LHFPL6: variants seen among roughly 807,000 people sequenced by gnomAD.
LHFPL6 encodes LHFPL tetraspan subfamily member 6 protein.
LHFPL6 carries 9 observed loss-of-function variants against 20.6 expected under a neutral mutation model. The observed-to-expected ratio is 0.44, with a 90% CI of 0.26 to 0.76. The LOEUF (loss-of-function observed/expected upper bound fraction) is 0.76. Among genes scored for constraint, LHFPL6 ranks in the 30% least tolerant of loss-of-function variants. The pLI is 0.20. For synonymous variants in LHFPL6, 105 were observed against 98.7 expected (o/e 1.06, Z -0.38); for missense variants, 218 against 253.5 (o/e 0.86, Z 0.95).
At chr13:39,435,183 CT>C (rs1180850862) in intron 2 of LHFPL6, among the ~76,000 whole-genome samples, 1 of 150,952 alleles carries the variant, frequency 6.6e-6, no homozygotes, top group Non-Finnish European at 1.5e-5. Context: ...AGATACAGCA[CT>C]TGTGTAATGA....
intron 2 of LHFPL6, among the ~76,000 whole-genome samples, chr13:39,436,856 G>C (rs1273930372): frequency 6.6e-6 from 1 of 152,068 alleles, no homozygotes; most frequent in East Asian, 1.9e-4. Flanking sequence ...CCCAACAATG[G>C]GAGGTGTATG....
intron 2 of LHFPL6, among the ~76,000 whole-genome samples, chr13:39,468,470 A>G (rs995519131): frequency 1.3e-5 from 2 of 149,060 alleles, no homozygotes; most frequent in Admixed American, 1.4e-4. Context: ...TTTGGTATTG[A>G]GCAGTTCCTG....
intron 3 of LHFPL6, among the ~76,000 whole-genome samples, chr13:39,377,218 A>T (rs1157486217): frequency 6.6e-6 from 1 of 152,210 alleles, no homozygotes; most frequent in Non-Finnish European, 1.5e-5. Context: ...ACCTAGCATA[A>T]AAAGTATACA....
intron 2 of LHFPL6, among the ~76,000 whole-genome samples, chr13:39,573,591 A>T (rs1487148066): frequency 6.6e-6 from 1 of 152,194 alleles, no homozygotes; most frequent in Non-Finnish European, 1.5e-5. Context: ...CTTCTTTTAC[A>T]TGGTATAACT....
chr13:39,544,776 G>A (rs947127397), intron 2 of LHFPL6, among the ~76,000 whole-genome samples: 20 of 152,062 alleles, frequency 1.3e-4, no homozygotes, highest in African/African-American at 4.4e-4. Context: ...GAATGAACTG[G>A]ATGGCAAAAA....
chr13:39,570,592 T>C (rs369402527), intron 2 of LHFPL6, among the ~76,000 whole-genome samples: 1 of 151,168 alleles, frequency 6.6e-6, no homozygotes, highest in Non-Finnish European at 1.5e-5. Flanking sequence ...ATAATGTATA[T>C]ATTAGAATGA....
At chr13:39,508,605 T>C (rs1869576710) in intron 2 of LHFPL6, among the ~76,000 whole-genome samples, 1 of 152,220 alleles carries the variant, frequency 6.6e-6, no homozygotes. Context: ...TTGTTTTGCT[T>C]CTTTCACTCA....
chr13:39,351,479 C>T lies in LHFPL6; in HGVS notation c.485-7425G>A, dbSNP rs1466839935. ...TATAAAAAAAGATCTTAATCAAATG[C>T]ATTTTTCTCATTTGTTAAATAGTAC... is the stretch of plus-strand genomic sequence containing the variant. On this transcript the variant is annotated intron_variant, in intron 3 of 3. Transcript: ENST00000379589. Among the ~76,000 whole-genome samples the T allele has an allele frequency of 1.5e-3, 234 of 151,478 alleles. 1 individual carries two copies. The highest frequency in any genetic ancestry group is 5.4e-3 in the African/African-American group (221 of 40,810).
intron 2 of LHFPL6, among the ~76,000 whole-genome samples, chr13:39,586,544 G>C (rs1011351404): frequency 2.0e-4 from 31 of 152,172 alleles, no homozygotes; most frequent in Middle Eastern, 3.4e-3. Context: ...AAGAAAAAAA[G>C]AAAATGCTGG....
At position 39,526,628 on chromosome 13, in the gene LHFPL6, G is replaced by A. The variant is rs148222928; in HGVS notation, c.385+74204C>T. On this transcript the variant is annotated intron_variant, in intron 2 of 3. Transcript: ENST00000379589. ...GCCAGCCATTTCAAGTTAGTGTTCA[G>A]CATCAGATGGGCTGATTCCACACGA... Among the ~76,000 whole-genome samples, 10 of 152,320 alleles carry A rather than the reference G, an allele frequency of 6.6e-5. No homozygotes were observed. The East Asian group carries it at 1.9e-3, about 29-fold the overall frequency.
chr13:39,396,379 A>G (rs994540150), intron 2 of LHFPL6, among the ~76,000 whole-genome samples: 4 of 152,160 alleles, frequency 2.6e-5, no homozygotes, highest in African/African-American at 9.7e-5. Flanking sequence ...TTGAGGTCCT[A>G]ACCCCCAGTA....
intron 2 of LHFPL6, among the ~76,000 whole-genome samples, chr13:39,582,293 G>C (rs970207672): frequency 3.3e-5 from 5 of 152,174 alleles, no homozygotes; most frequent in African/African-American, 4.8e-5. Flanking sequence ...CTCTCTTTCT[G>C]TCTTACATGT....
intron 2 of LHFPL6, among the ~76,000 whole-genome samples, chr13:39,563,674 GAGC>G (rs1871618921): frequency 6.6e-6 from 1 of 152,118 alleles, no homozygotes; most frequent in South Asian, 2.1e-4. Context: ...ACTTCCCTGG[GAGC>G]AGCATTTCTT....
intron 2 of LHFPL6, among the ~76,000 whole-genome samples, chr13:39,577,600 A>T (rs1872155247): frequency 1.3e-5 from 2 of 152,234 alleles, no homozygotes; most frequent in African/African-American, 4.8e-5. Flanking sequence ...CAACATCTGC[A>T]TTAATTGGTG....
intron 2 of LHFPL6, among the ~76,000 whole-genome samples, chr13:39,480,247 C>A (rs1868458156): frequency 6.6e-6 from 1 of 152,090 alleles, no homozygotes; most frequent in Non-Finnish European, 1.5e-5. Flanking sequence ...CTGTTAACCT[C>A]CTGGATAAAA....
rs947581275 is a variant in LHFPL6 at position 39,561,805 on chromosome 13, C to G, written c.385+39027G>C. On this transcript the variant is annotated intron_variant, in intron 2 of 3. Transcript: ENST00000379589. Reference sequence around the variant, plus strand: ...TCAGAACTTACCCCAGGGCCTAACACTGAGTGACTACTCTGTAAATGTTTG... The same window carrying G: ...TCAGAACTTACCCCAGGGCCTAACAGTGAGTGACTACTCTGTAAATGTTTG... Among the ~76,000 whole-genome samples, 5 of 152,316 alleles carry G rather than the reference C, an allele frequency of 3.3e-5. No individual in the cohort carries two copies. In the South Asian group the frequency reaches 8.3e-4, roughly 25 times the overall value.
At chr13:39,395,599 C>G (rs1009285656) in intron 2 of LHFPL6, among the ~76,000 whole-genome samples, 1 of 152,152 alleles carries the variant, frequency 6.6e-6, no homozygotes, top group Non-Finnish European at 1.5e-5. Context: ...CGGGAGGTGC[C>G]GTGGACCTCA....
At chr13:39,535,480 TA>T (rs201811424) in intron 2 of LHFPL6, among the ~76,000 whole-genome samples, 1 of 152,122 alleles carries the variant, frequency 6.6e-6, no homozygotes, top group Non-Finnish European at 1.5e-5. Context: ...GCTGGCATTG[TA>T]AAAAAAATTA....
intron 2 of LHFPL6, among the ~76,000 whole-genome samples, chr13:39,460,634 T>G (rs1872667520): frequency 6.6e-6 from 1 of 152,226 alleles, no homozygotes; most frequent in African/African-American, 2.4e-5. Flanking sequence ...CAAACAGTGT[T>G]GGCTATTTTG....
Sources: allele counts gnomAD v4.1 joint callset (sites outside exome capture counted in the v4.1 genomes callset), GRCh38; gene constraint gnomAD v4.1.1; transcripts MANE v1.5; gene names NCBI Gene and HGNC (gene_info 2026-07-23, HGNC 2026-07-21).